FAM193A: variants seen among roughly 807,000 people sequenced by gnomAD.
The protein encoded by FAM193A is protein FAM193A.
Under a neutral mutation model 126.5 loss-of-function variants are expected in FAM193A, and 22 were observed. The ratio of observed to expected loss-of-function variants is 0.17; its 90% CI spans 0.12 to 0.25. FAM193A has a LOEUF of 0.25. Among genes scored for constraint, FAM193A ranks in the 10% least tolerant of loss-of-function variants. The probability of loss-of-function intolerance (pLI) is 1.00; values close to 1 mark genes in which losing one functional copy is unlikely to be tolerated. For missense variants in FAM193A, 1,675 were observed against 1,672.8 expected (o/e 1.00, Z -0.02); for synonymous variants, 761 against 646.8 (o/e 1.18, Z -2.68).
chr4:2,701,764 G>A (rs1221329067), intron 19 of FAM193A, among the ~76,000 whole-genome samples: 1 of 151,294 alleles, frequency 6.6e-6, no homozygotes, highest in Non-Finnish European at 1.5e-5. Flanking sequence ...TTATTACTGT[G>A]TTGTCATATG....
chr4:2,714,645 C>T (rs931348401), intron 19 of FAM193A, among the ~76,000 whole-genome samples: 1 of 152,102 alleles, frequency 6.6e-6, no homozygotes, highest in African/African-American at 2.4e-5. Context: ...TGTCTGTGAA[C>T]AAACACACTT....
chr4:2,718,485 G>A (rs768666681), intron 20 of FAM193A, among the ~76,000 whole-genome samples: 1 of 151,922 alleles, frequency 6.6e-6, no homozygotes, highest in Admixed American at 6.6e-5. Flanking sequence ...CCAGCACTTC[G>A]GGAAGCCAAG....
At chr4:2,628,842 GCTGT>G (rs1338839754) in intron 4 of FAM193A, among the ~76,000 whole-genome samples, 1 of 144,778 alleles carries the variant, frequency 6.9e-6, no homozygotes, top group Non-Finnish European at 1.5e-5. Flanking sequence ...TCAGCATATT[GCTGT>G]CTCTCTCTTT....
At chr4:2,615,611 C>T (rs1023974807) in intron 2 of FAM193A, among the ~76,000 whole-genome samples, 4 of 151,456 alleles carry the variant, frequency 2.6e-5, no homozygotes, top group Admixed American at 6.6e-5. Flanking sequence ...CTCTGCCTCC[C>T]GGGTTCAAGC....
At chr4:2,730,604 G>A (rs1721262050) in intron 20 of FAM193A, among the ~76,000 whole-genome samples, 1 of 150,930 alleles carries the variant, frequency 6.6e-6, no homozygotes, top group Non-Finnish European at 1.5e-5. Context: ...GCAGGAGAAT[G>A]GCATGAACCT....
Position 2,602,959 on chromosome 4 carries a change from C to CTTTTTT in FAM193A, c.501+6652_501+6657dup, listed in dbSNP as rs71178487. On this transcript the variant is annotated intron_variant, in intron 2 of 20. Transcript: ENST00000637812. The stretch of plus-strand genomic sequence containing the variant: ...ACAAGTGTGAGCCACTGCACCCGGC[C>CTTTTTT]TTTTTTTTTTTTTTTTTTTTTTTTT... Among the ~76,000 whole-genome samples, 120 of 42,302 alleles carry CTTTTTT rather than the reference C, an allele frequency of 2.8e-3. 35 individuals are homozygous for CTTTTTT. The highest frequency in any genetic ancestry group is 0.013 in the African/African-American group (116 of 8,680). 27.8% of individuals were successfully genotyped at this position (42,302 alleles called of 152,430 possible). A position where few individuals can be genotyped will look rare whatever the true frequency, so the allele number is the denominator to read the frequency against.
intron 2 of FAM193A, among the ~76,000 whole-genome samples, chr4:2,602,488 G>A (rs1741259453): frequency 6.6e-6 from 1 of 151,504 alleles, no homozygotes; most frequent in South Asian, 2.1e-4. Context: ...TGAGTAGCTG[G>A]GATTACAGGC....
At chr4:2,710,549 T>C (rs1718835485) in intron 19 of FAM193A, among the ~76,000 whole-genome samples, 1 of 152,136 alleles carries the variant, frequency 6.6e-6, no homozygotes, top group Non-Finnish European at 1.5e-5. Context: ...TTGCCCAGGC[T>C]GGAGTGCAGT....
chr4:2,578,460 T>TC (rs762017042), intron 1 of FAM193A, among the ~76,000 whole-genome samples: 17 of 151,796 alleles, frequency 1.1e-4, no homozygotes, highest in Non-Finnish European at 1.5e-4. Flanking sequence ...GTTTTTTTTT[T>TC]CCCCCCTCAA....
At chr4:2,659,391 C>T (rs1560532254) in intron 8 of FAM193A, among the ~76,000 whole-genome samples, 167 bp from the exon 9 acceptor site, 1 of 152,194 alleles carries the variant, frequency 6.6e-6, no homozygotes, top group Non-Finnish European at 1.5e-5. Context: ...GCTCAGCCCC[C>T]AGCTTGCTGC....
chr4:2,610,217 C>G (rs947990901), intron 2 of FAM193A, among the ~76,000 whole-genome samples: 2 of 152,052 alleles, frequency 1.3e-5, no homozygotes, highest in Admixed American at 6.6e-5. Context: ...GGCGACAGAG[C>G]GAGACTCTGT....
At chr4:2,608,765 G>A (rs1741690058) in intron 2 of FAM193A, among the ~76,000 whole-genome samples, 2 of 152,252 alleles carry the variant, frequency 1.3e-5, no homozygotes, top group South Asian at 2.1e-4. Context: ...CCTGCAAGGG[G>A]ACAGGCCTGA....
At chr4:2,597,457 A>G (rs750340655) in intron 2 of FAM193A, among the ~76,000 whole-genome samples, 44 of 152,002 alleles carry the variant, frequency 2.9e-4, no homozygotes, top group Admixed American at 9.8e-4. Context: ...CTTGTATTTT[A>G]GCCTGCCTCT....
chr4:2,619,870 T>TA (rs1198069514), intron 2 of FAM193A, among the ~76,000 whole-genome samples: 1 of 152,084 alleles, frequency 6.6e-6, no homozygotes, highest in East Asian at 1.9e-4. Context: ...TTTGTATTTT[T>TA]AGTAGAGTTG....
chr4:2,646,646 T>C (rs769646477), intron 6 of FAM193A, 39 bp from the exon 7 acceptor site: 1 of 1,557,534 alleles, frequency 6.4e-7, no homozygotes, highest in Non-Finnish European at 8.7e-7. Context: ...TCAGAGCCTT[T>C]GGGTTCTTTC....
chr4:2,550,068 G>C (rs116739845), intron 1 of FAM193A, among the ~76,000 whole-genome samples: 2,560 of 140,550 alleles, frequency 0.018, 58 homozygotes, highest in African/African-American at 0.054. Context: ...ACAGAGTGTC[G>C]CTCTGTGGCC....
At chr4:2,644,129 CTT>C (rs906341792) in intron 6 of FAM193A, among the ~76,000 whole-genome samples, 7 of 152,156 alleles carry the variant, frequency 4.6e-5, no homozygotes, top group African/African-American at 1.7e-4. Flanking sequence ...CCCTGTGACT[CTT>C]TTGATCCTAG....
chr4:2,622,654 T>G (rs1742627130), intron 2 of FAM193A, among the ~76,000 whole-genome samples: 1 of 152,170 alleles, frequency 6.6e-6, no homozygotes, highest in African/African-American at 2.4e-5. Flanking sequence ...CTGGAAGGTC[T>G]AAGATCAAGG....
intron 1 of FAM193A, among the ~76,000 whole-genome samples, chr4:2,572,679 G>C (rs996494544): frequency 6.6e-6 from 1 of 152,022 alleles, no homozygotes; most frequent in Non-Finnish European, 1.5e-5. Context: ...TAGAGGAAGT[G>C]GGGGAGCTCA....
Sources: gnomAD v4.1 joint callset for allele counts (sites outside exome capture counted in the v4.1 genomes callset) on GRCh38, gnomAD v4.1.1 for gene constraint, MANE v1.5 for transcripts, NCBI Gene and HGNC (gene_info 2026-07-23, HGNC 2026-07-21) for gene names.